The following NALF1 variants were observed in gnomAD, a reference collection of about 807,000 sequenced individuals.
NALF1 encodes NALCN channel auxiliary factor 1, also known as family with sequence similarity 155 member A.
NALF1 carries 3 observed loss-of-function variants against 48.4 expected under a neutral mutation model. That is an observed-to-expected ratio of 0.06 (90% confidence interval 0.03 to 0.16). The LOEUF (loss-of-function observed/expected upper bound fraction) is 0.16, where lower values mean the gene tolerates loss of function less well. NALF1 is among the 10% of genes least tolerant of loss of function. The pLI is 1.00. For missense variants in NALF1, 526 were observed against 571.5 expected (o/e 0.92, Z 0.81); for synonymous variants, 262 against 245.7 (o/e 1.07, Z -0.62).
chr13:107,838,386 G>A (rs1438952973), intron 1 of NALF1, among the ~76,000 whole-genome samples: 1 of 152,108 alleles, frequency 6.6e-6, no homozygotes, highest in African/African-American at 2.4e-5. Context: ...AAATCAAATT[G>A]AGTGTTTTGA....
chr13:107,760,378 T>G (rs1481575270), intron 1 of NALF1, among the ~76,000 whole-genome samples: 1 of 152,108 alleles, frequency 6.6e-6, no homozygotes, highest in Non-Finnish European at 1.5e-5. Context: ...GAGGAACATC[T>G]GTAGAAGGAA....
intron 1 of NALF1, among the ~76,000 whole-genome samples, chr13:107,797,149 T>C (rs367835238): frequency 6.6e-5 from 10 of 152,286 alleles, no homozygotes; most frequent in East Asian, 1.9e-4. Flanking sequence ...CAGGTGAGCA[T>C]GGCGTTTTGT....
intron 1 of NALF1, among the ~76,000 whole-genome samples, chr13:107,552,870 G>T (rs543324921): frequency 2.6e-5 from 4 of 151,870 alleles, no homozygotes; most frequent in African/African-American, 9.7e-5. Flanking sequence ...ATTTACTGTC[G>T]TTTATATAAT....
rs148518144 is a variant in NALF1 at position 107,623,400 on chromosome 13, G to GA, written c.915+242281dup. ...ATTTAAGGTGACAGTTACATGCCTAGAAAAAACAAATCATTTCCAGGCTTG... is the reference window on the plus strand; with the variant it reads ...ATTTAAGGTGACAGTTACATGCCTAGAAAAAAACAAATCATTTCCAGGCTTG... On this transcript the variant is annotated intron_variant, in intron 1 of 2. Coordinates refer to ENST00000375915, the MANE Select transcript of NALF1 (RefSeq NM_001080396.3). 0.022 allele frequency among the ~76,000 whole-genome samples: 3,234 copies of GA among 145,128 alleles called. 203 individuals carry two copies. In the East Asian group the frequency reaches 0.24, roughly 11 times the overall value.
intron 1 of NALF1, among the ~76,000 whole-genome samples, chr13:107,599,613 A>C (rs1878867170): frequency 6.6e-6 from 1 of 152,082 alleles, no homozygotes; most frequent in African/African-American, 2.4e-5. Context: ...AGCATAAACT[A>C]ACATTTTATA....
chr13:107,798,313 G>A (rs2138593818), intron 1 of NALF1, among the ~76,000 whole-genome samples: 1 of 152,276 alleles, frequency 6.6e-6, no homozygotes, highest in East Asian at 1.9e-4. Flanking sequence ...TGCCAGTTTA[G>A]TATGCTAACT....
chr13:107,844,662 C>T (rs933882119), intron 1 of NALF1, among the ~76,000 whole-genome samples: 20 of 152,070 alleles, frequency 1.3e-4, no homozygotes, highest in African/African-American at 4.8e-4. Context: ...AATCCAACAA[C>T]CGATAGTTTG....
At chr13:107,680,097 G>A (rs569776670) in intron 1 of NALF1, among the ~76,000 whole-genome samples, 1 of 152,226 alleles carries the variant, frequency 6.6e-6, no homozygotes, top group Admixed American at 6.5e-5. Flanking sequence ...GTGCCCATGT[G>A]CCCAGGTGCC....
chr13:107,782,305 T>G (rs1243477137), intron 1 of NALF1, among the ~76,000 whole-genome samples: 1 of 152,218 alleles, frequency 6.6e-6, no homozygotes, highest in African/African-American at 2.4e-5. Flanking sequence ...TCCGCCAGCC[T>G]CGGCCTCCGG....
rs1346508586 is a variant in NALF1, at chr13:107,834,292, G to GGGACAACTGTGGTCAATTAGACCACTTA, written c.915+31362_915+31389dup. On this transcript the variant is annotated intron_variant, in intron 1 of 2. Transcript: ENST00000375915. ...GAACCCAATCCCTCTCAAATACCAA[G>GGGACAACTGTGGTCAATTAGACCACTTA]GGACAACTGTGGTCAATTAGACCAC... Among the ~76,000 whole-genome samples, 3 of 152,158 alleles carry GGGACAACTGTGGTCAATTAGACCACTTA rather than the reference G, an allele frequency of 2.0e-5. No homozygotes were observed. In the South Asian group the frequency reaches 6.2e-4, roughly 32 times the overall value.
chr13:107,811,021 A>T (rs540550543), intron 1 of NALF1, among the ~76,000 whole-genome samples: 1 of 152,132 alleles, frequency 6.6e-6, no homozygotes, highest in Non-Finnish European at 1.5e-5. Context: ...TAATATATCA[A>T]TAACGCACAA....
intron 1 of NALF1, among the ~76,000 whole-genome samples, chr13:107,618,872 T>C (rs989903846): frequency 1.3e-5 from 2 of 152,280 alleles, no homozygotes; most frequent in South Asian, 2.1e-4. Context: ...GGCTAAGATA[T>C]AGGAACAATA....
intron 1 of NALF1, among the ~76,000 whole-genome samples, chr13:107,594,137 A>T (rs1351502842): frequency 6.6e-6 from 1 of 151,978 alleles, no homozygotes; most frequent in Non-Finnish European, 1.5e-5. Context: ...CCACTCTTCA[A>T]TTCATGGAAA....
At chr13:107,558,330 A>C (rs1421214796) in intron 1 of NALF1, among the ~76,000 whole-genome samples, 1 of 151,968 alleles carries the variant, frequency 6.6e-6, no homozygotes, top group Non-Finnish European at 1.5e-5. Flanking sequence ...AATCTTTTTT[A>C]GAAGTAAGCT....
chr13:107,771,799 C>T (rs972617907), intron 1 of NALF1, among the ~76,000 whole-genome samples: 7 of 152,076 alleles, frequency 4.6e-5, no homozygotes, highest in South Asian at 2.1e-4. Flanking sequence ...TGCAGTGGCG[C>T]GATCTCGGCT....
chr13:107,185,637 G>A (rs568018554), intron 2 of NALF1, among the ~76,000 whole-genome samples: 1 of 152,016 alleles, frequency 6.6e-6, no homozygotes, highest in East Asian at 1.9e-4. Flanking sequence ...TGTTTGACTA[G>A]CATAAAACTT....
At chr13:107,262,769 GCTCTCTCT>G (rs1555329321) in intron 1 of NALF1, among the ~76,000 whole-genome samples, 2 of 144,034 alleles carry the variant, frequency 1.4e-5, no homozygotes, top group Non-Finnish European at 3.0e-5. Context: ...ACCCACAGGC[GCTCTCTCT>G]CTCTCTCTCT....
chr13:107,790,296 GAAT>G (rs1338145093), intron 1 of NALF1, among the ~76,000 whole-genome samples: 2 of 152,046 alleles, frequency 1.3e-5, no homozygotes, highest in African/African-American at 4.8e-5. Flanking sequence ...GAAAAAAGTG[GAAT>G]AATACAGTAC....
intron 1 of NALF1, among the ~76,000 whole-genome samples, chr13:107,285,719 A>G (rs1384015157): frequency 1.3e-5 from 2 of 152,062 alleles, no homozygotes; most frequent in Non-Finnish European, 2.9e-5. Context: ...CATAGTATAT[A>G]TAGTAAGTAT....
Sources: allele counts gnomAD v4.1 joint callset (sites outside exome capture counted in the v4.1 genomes callset), GRCh38; gene constraint gnomAD v4.1.1; transcripts MANE v1.5; gene names NCBI Gene and HGNC (gene_info 2026-07-23, HGNC 2026-07-21).